The following ZNF423 variants were observed in gnomAD, a reference collection of about 807,000 sequenced individuals.
The protein encoded by ZNF423 is zinc finger protein 423.
Under a neutral mutation model 95.8 loss-of-function variants are expected in ZNF423, and 12 were observed. That is an observed-to-expected ratio of 0.13 (90% CI 0.08 to 0.20). ZNF423 has a LOEUF of 0.20. ZNF423 is among the 10% of genes least tolerant of loss of function. The pLI is 1.00. For synonymous variants in ZNF423, 749 were observed against 711.9 expected, an observed-to-expected ratio of 1.05 and a Z score of -0.83; for missense variants, 1,316 against 1,737.1, an observed-to-expected ratio of 0.76 and a Z score of 4.31.
chr16:49,491,843 C>T (rs999335410), intron 7 of ZNF423, among the ~76,000 whole-genome samples: 1 of 152,314 alleles, frequency 6.6e-6, no homozygotes, highest in East Asian at 1.9e-4. Flanking sequence ...AGGCAGTGGG[C>T]GGCCGTGGTG....
intron 3 of ZNF423, among the ~76,000 whole-genome samples, chr16:49,666,932 T>C (rs2030575820): frequency 2.6e-5 from 4 of 152,170 alleles, no homozygotes; most frequent in Admixed American, 2.6e-4. Flanking sequence ...CACAAGCCCA[T>C]GGCCCAGTGG....
intron 1 of ZNF423, among the ~76,000 whole-genome samples, chr16:49,842,792 G>A (rs2035204445): frequency 6.6e-6 from 1 of 152,024 alleles, no homozygotes; most frequent in Non-Finnish European, 1.5e-5. Context: ...TGGCCAACAT[G>A]GTGAAACCCT....
At chr16:49,591,767 A>G (rs1971017396) in intron 5 of ZNF423, among the ~76,000 whole-genome samples, 1 of 152,238 alleles carries the variant, frequency 6.6e-6, no homozygotes, top group East Asian at 1.9e-4. Context: ...AAAACAGTAC[A>G]GACATTAAAA....
chr16:49,511,078 A>T (rs1472276264), intron 7 of ZNF423, among the ~76,000 whole-genome samples: 1 of 152,198 alleles, frequency 6.6e-6, no homozygotes, highest in Non-Finnish European at 1.5e-5. Context: ...CACACACTTC[A>T]TTGCTCAGGC....
intron 5 of ZNF423, among the ~76,000 whole-genome samples, chr16:49,623,794 G>GC: frequency 6.6e-6 from 1 of 152,324 alleles, no homozygotes; most frequent in East Asian, 1.9e-4. Flanking sequence ...GGAGTCAGTG[G>GC]CTGCAGGAGA....
intron 6 of ZNF423, among the ~76,000 whole-genome samples, chr16:49,524,565 C>T (rs1460625746): frequency 1.3e-5 from 2 of 152,156 alleles, no homozygotes; most frequent in South Asian, 2.1e-4. Context: ...CTGGGCCTGG[C>T]ATGGAGAAGG....
intron 3 of ZNF423, among the ~76,000 whole-genome samples, chr16:49,719,145 G>A (rs911217650): frequency 2.6e-5 from 4 of 152,200 alleles, no homozygotes; most frequent in African/African-American, 9.6e-5. Context: ...AGCACCTCCA[G>A]GAGAAAGGCA....
chr16:49,738,128 T>G (rs1017019521), intron 2 of ZNF423, among the ~76,000 whole-genome samples: 3 of 152,204 alleles, frequency 2.0e-5, no homozygotes, highest in African/African-American at 7.2e-5. Context: ...CCACAAATAC[T>G]TATTAAGTGC....
At chr16:49,809,989 A>G (rs907262678) in intron 1 of ZNF423, among the ~76,000 whole-genome samples, 3 of 150,912 alleles carry the variant, frequency 2.0e-5, no homozygotes, top group Non-Finnish European at 4.4e-5. Context: ...AGGGGCAACC[A>G]TGTGTCAAAG....
At chr16:49,741,398 T>G (rs754689578) in intron 2 of ZNF423, among the ~76,000 whole-genome samples, 2 of 151,800 alleles carry the variant, frequency 1.3e-5, no homozygotes. Flanking sequence ...TCCCAGCTAC[T>G]CGGGGGGCTG....
intron 3 of ZNF423, among the ~76,000 whole-genome samples, chr16:49,720,955 T>A (rs1806848433): frequency 6.6e-6 from 1 of 152,156 alleles, no homozygotes; most frequent in Admixed American, 6.5e-5. Context: ...TTCTACAGAG[T>A]CAACCTCAGG....
chr16:49,700,789 G>A (rs566085031), intron 3 of ZNF423, among the ~76,000 whole-genome samples: 58 of 152,282 alleles, frequency 3.8e-4, no homozygotes, highest in African/African-American at 1.3e-3. Context: ...CTGGGCCCAC[G>A]GGACCACAGA....
rs1003370712 is a variant in ZNF423, at chr16:49,560,931, G to T, written c.3602-35437C>A. On this transcript the variant is annotated intron_variant, in intron 5 of 7. Transcript: ENST00000563137. ...TGAAAATAAAGTCACCGTGTTTCCA[G>T]GGCAGGAGGCTGCTCTTTACTTGAA... is the stretch of plus-strand genomic sequence containing the variant. Among the ~76,000 whole-genome samples, 5 of 152,198 alleles carry T rather than the reference G, an allele frequency of 3.3e-5. No individual in the cohort carries two copies. The South Asian group carries it at 1.0e-3, about 32-fold the overall frequency.
At chr16:49,538,806 C>G (rs948137131) in intron 5 of ZNF423, among the ~76,000 whole-genome samples, 1 of 152,192 alleles carries the variant, frequency 6.6e-6, no homozygotes, top group Non-Finnish European at 1.5e-5. Flanking sequence ...AAGGAGTTTT[C>G]GTTGCACCCA....
intron 2 of ZNF423, among the ~76,000 whole-genome samples, chr16:49,786,491 C>A (rs896180435): frequency 6.6e-6 from 1 of 152,268 alleles, no homozygotes; most frequent in African/African-American, 2.4e-5. Flanking sequence ...CCTTACAGCT[C>A]TCCCTTCCTC....
intron 5 of ZNF423, among the ~76,000 whole-genome samples, chr16:49,597,001 G>A (rs1971202767): frequency 6.6e-6 from 1 of 152,174 alleles, no homozygotes; most frequent in Non-Finnish European, 1.5e-5. Context: ...GTCGGCTTGG[G>A]CTTCGGGCTC....
chr16:49,615,773 G>A lies in ZNF423; in HGVS notation c.3601+10397C>T, dbSNP rs147741501. ...CCAGGCCAACCCCTGGGCCTCTGTCGCCATGACCTGGCTCCACCCAAATGG... is the reference window on the plus strand; with the variant it reads ...CCAGGCCAACCCCTGGGCCTCTGTCACCATGACCTGGCTCCACCCAAATGG... On this transcript the variant is annotated intron_variant, in intron 5 of 7. Coordinates refer to ENST00000563137, the MANE Select transcript of ZNF423 (RefSeq NM_001379286.1). 3.0e-3 allele frequency among the ~76,000 whole-genome samples: 458 copies of A among 152,296 alleles called. 2 individuals carry two copies. In the Middle Eastern group the frequency reaches 0.031, roughly 10 times the overall value.
intron 3 of ZNF423, among the ~76,000 whole-genome samples, chr16:49,718,937 T>C (rs1027036206): frequency 6.6e-6 from 1 of 152,178 alleles, no homozygotes; most frequent in African/African-American, 2.4e-5. Context: ...AATAAAGGAC[T>C]CTTCTAGAAC....
At chr16:49,500,265 C>A (rs1967341535) in intron 7 of ZNF423, among the ~76,000 whole-genome samples, 1 of 152,128 alleles carries the variant, frequency 6.6e-6, no homozygotes, top group Non-Finnish European at 1.5e-5. Context: ...GGACAGGGTA[C>A]CTAGCAGCAG....
Sources: allele counts gnomAD v4.1 joint callset (sites outside exome capture counted in the v4.1 genomes callset), GRCh38; gene constraint gnomAD v4.1.1; transcripts MANE v1.5; gene names NCBI Gene and HGNC (gene_info 2026-07-23, HGNC 2026-07-21).